PRELID3B: variants seen among roughly 807,000 people sequenced by gnomAD.
The protein encoded by PRELID3B is PRELI domain containing protein 3B.
A neutral mutation model predicts 24.0 loss-of-function variants in PRELID3B; 15 were observed. The ratio of observed to expected loss-of-function variants is 0.63; its 90% CI spans 0.42 to 0.96. The LOEUF (loss-of-function observed/expected upper bound fraction) is 0.96. Ranked by LOEUF, PRELID3B falls within the 40% of genes least tolerant of loss-of-function variation. The pLI is 0.00. For synonymous variants in PRELID3B, 62 were observed against 76.0 expected (o/e 0.82, Z 0.96); for missense variants, 189 against 236.0 (o/e 0.80, Z 1.30).
intron 1 of PRELID3B, among the ~76,000 whole-genome samples, chr20:59,039,848 A>T (rs2092098903): frequency 6.6e-6 from 1 of 152,202 alleles, no homozygotes; most frequent in Admixed American, 6.5e-5. Flanking sequence ...TCTATACAAT[A>T]TTGTACCAAT....
Position 59,034,991 on chromosome 20 carries a change from C to T in PRELID3B, c.*16G>A, listed in dbSNP as rs774073686. Reference sequence around the variant, plus strand: ...AGAGACCTGGAGTACCCGATGTTGTCTACCAACTGTCACGATCACTTCTCT... The same window carrying T: ...AGAGACCTGGAGTACCCGATGTTGTTTACCAACTGTCACGATCACTTCTCT... On this transcript the variant is annotated 3_prime_UTR_variant, in exon 6 of 6. Coordinates refer to ENST00000355937, the MANE Select transcript of PRELID3B (RefSeq NM_016045.3). 1.9e-6 allele frequency: 3 copies of T among 1,606,286 alleles called. No individual in the cohort carries two copies. Among genetic ancestry groups the T allele is most frequent in the Non-Finnish European group, 2.6e-6 (3 of 1,176,300 alleles).
chr20:59,035,249 C>T (rs144353947), intron 5 of PRELID3B, 123 bp from the exon 6 acceptor site: 9 of 839,608 alleles, frequency 1.1e-5, no homozygotes, highest in Admixed American at 8.9e-5. Flanking sequence ...GATGACAGAT[C>T]GTTTTTGTCC....
rs2092056278 is a variant in PRELID3B at position 59,034,542 on chromosome 20, A to C, written c.*465T>G. 6.5e-6 allele frequency: 1 copy of C among 152,956 alleles called. No individual in the cohort carries two copies. The highest frequency in any genetic ancestry group is 1.5e-5 in the Non-Finnish European group (1 of 68,336). 9.5% of individuals were successfully genotyped at this position (152,956 alleles called of 1,614,324 possible). On this transcript the variant is annotated 3_prime_UTR_variant, in exon 6 of 6. Coordinates refer to ENST00000355937, the MANE Select transcript of PRELID3B (RefSeq NM_016045.3). ...AGCATAGTAAGGTATTTTACACAAA[A>C]TATATTTTAAAACTACACAATTTCT... is the stretch of plus-strand genomic sequence containing the variant.
At position 59,040,247 on chromosome 20, in the gene PRELID3B, CAA is replaced by C. The variant is rs1450934113; in HGVS notation, c.33-1615_33-1614del. ...CCATAACCAGCTCAAACATTACAAA[CAA>C]TACTTATTATGATTAATCTTCCAGC... On this transcript the variant is annotated intron_variant, in intron 1 of 5. Coordinates refer to ENST00000355937, the MANE Select transcript of PRELID3B (RefSeq NM_016045.3). This position sits in a 1 kb window ranked among gnomAD's most constrained non-coding sequence, Gnocchi z 4.1. Among the ~76,000 whole-genome samples the C allele has an allele frequency of 6.6e-6, 1 of 152,212 alleles. No individual in the cohort carries two copies. The highest frequency in any genetic ancestry group is 1.5e-5 in the Non-Finnish European group (1 of 68,038).
intron 5 of PRELID3B, 93 bp from the exon 6 acceptor site, chr20:59,035,219 C>G: frequency 2.5e-6 from 3 of 1,197,016 alleles, no homozygotes; most frequent in Non-Finnish European, 3.5e-6. Flanking sequence ...AGGGGCGTGA[C>G]AAGTTTAACT....
In PRELID3B at chr20:59,038,449, A is replaced by C; in HGVS notation, c.201+17T>G. 1 of 1,605,440 alleles carries C rather than the reference A, an allele frequency of 6.2e-7. No homozygotes were observed. The highest frequency in any genetic ancestry group is 2.2e-5 in the East Asian group (1 of 44,740). On this transcript the variant is annotated intron_variant, in intron 2 of 5. Coordinates refer to ENST00000355937, the MANE Select transcript of PRELID3B (RefSeq NM_016045.3). ...TCTACAGCAGTCACATTTCTCCGGG[A>C]ATAAAGACACACTTACAGACTTCAC...
intron 5 of PRELID3B, 46 bp downstream of exon 5, chr20:59,036,425 C>G: frequency 6.9e-7 from 1 of 1,448,564 alleles, no homozygotes; most frequent in South Asian, 1.1e-5. Flanking sequence ...ATTCCATTCC[C>G]AGGAAATGAA....
chr20:59,040,925 G>A lies in PRELID3B; in HGVS notation c.32+1774C>T, dbSNP rs569932568. ...CCAGGACAAAAAAAAAGTCTGTGAC[G>A]AAAAGAGAAACAAAAAAGAAATTAA... On this transcript the variant is annotated intron_variant, in intron 1 of 5. Transcript: ENST00000355937. This position sits in a 1 kb window ranked among gnomAD's most constrained non-coding sequence, Gnocchi z 4.1. 9.9e-5 allele frequency among the ~76,000 whole-genome samples: 15 copies of A among 152,240 alleles called. No homozygotes were observed. The highest frequency in any genetic ancestry group is 6.2e-4 in the South Asian group (3 of 4,824).
chr20:59,036,189 A>T (rs534884956), intron 5 of PRELID3B, among the ~76,000 whole-genome samples: 1 of 152,200 alleles, frequency 6.6e-6, no homozygotes, highest in Non-Finnish European at 1.5e-5. Context: ...TCCATATGTT[A>T]TCTCATTCAC....
chr20:59,036,772 A>AC lies in PRELID3B; in HGVS notation c.292-13_292-12insG. 1 of 1,492,526 alleles carries AC rather than the reference A, an allele frequency of 6.7e-7. No homozygotes were observed. The highest frequency in any genetic ancestry group is 1.2e-5 in the South Asian group (1 of 80,714). The allele number at this position is 1,492,526 out of a possible 1,614,324, so 92.5% of individuals were successfully genotyped here. Reference sequence around the variant, plus strand: ...TTTGTAAATGAAATCTACAGAATGAAGAAAAAAAAAAAAGATCAAATCATT... The same window carrying AC: ...TTTGTAAATGAAATCTACAGAATGAACGAAAAAAAAAAAAGATCAAATCATT... On this transcript the variant is annotated splice_polypyrimidine_tract_variant and intron_variant, in intron 3 of 5. Transcript: ENST00000355937.
intron 1 of PRELID3B, among the ~76,000 whole-genome samples, chr20:59,039,327 G>A (rs1049846803): frequency 6.6e-6 from 1 of 152,142 alleles, no homozygotes; most frequent in Non-Finnish European, 1.5e-5. Flanking sequence ...ATAAGCACTT[G>A]CTTATCACCT....
In PRELID3B at chr20:59,033,674, T is replaced by C. The variant is rs2092050107; in HGVS notation, c.*1333A>G. Reference sequence around the variant, plus strand: ...TACATATATTAACTGGTCTCTTGGATAGGAAACATGACTAGAAGTTTATCA... The same window carrying C: ...TACATATATTAACTGGTCTCTTGGACAGGAAACATGACTAGAAGTTTATCA... On this transcript the variant is annotated 3_prime_UTR_variant, in exon 6 of 6. Coordinates refer to ENST00000355937, the MANE Select transcript of PRELID3B (RefSeq NM_016045.3). The C allele has an allele frequency of 6.6e-6, 1 of 152,218 alleles. No individual in the cohort carries two copies. The highest frequency in any genetic ancestry group is 1.5e-5 in the Non-Finnish European group (1 of 68,034). The allele number at this position is 152,218 out of a possible 1,614,324, so 9.4% of individuals were successfully genotyped here.
chr20:59,041,817 T>A (rs187294098), intron 1 of PRELID3B, among the ~76,000 whole-genome samples: 1,648 of 152,260 alleles, frequency 0.011, 21 homozygotes, highest in Middle Eastern at 0.037. Flanking sequence ...TTTACAAGGC[T>A]ATACTAATTA....
At chr20:59,038,196 CA>C in intron 2 of PRELID3B, 1 of 324,460 alleles carries the variant, frequency 3.1e-6, no homozygotes. Context: ...AAGTTGCTGG[CA>C]AAAGCAGAAA....
At chr20:59,042,455 C>T (rs2092117201) in intron 1 of PRELID3B, among the ~76,000 whole-genome samples, 1 of 152,226 alleles carries the variant, frequency 6.6e-6, no homozygotes, top group South Asian at 2.1e-4. Context: ...CCGGAAGTGA[C>T]CCCGTAGCCC....
At position 59,040,343 on chromosome 20, in the gene PRELID3B, C is replaced by T. The variant is rs544927938; in HGVS notation, c.33-1709G>A. ...CACAATGGAAGACATTCAAAGACCA[C>T]GCCAAAGTAGAATCAGGAGGACCTG... is the stretch of plus-strand genomic sequence containing the variant. On this transcript the variant is annotated intron_variant, in intron 1 of 5. Coordinates refer to ENST00000355937, the MANE Select transcript of PRELID3B (RefSeq NM_016045.3). This position sits in a 1 kb window ranked among gnomAD's most constrained non-coding sequence, Gnocchi z 4.1. Among the ~76,000 whole-genome samples, 2 of 152,336 alleles carry T rather than the reference C, an allele frequency of 1.3e-5. No individual in the cohort carries two copies. The highest frequency in any genetic ancestry group is 2.4e-5 in the African/African-American group (1 of 41,574).
chr20:59,036,418 C>G (rs1480608846), intron 5 of PRELID3B, 53 bp downstream of exon 5: 2 of 1,366,714 alleles, frequency 1.5e-6, no homozygotes, highest in African/African-American at 2.9e-5. Flanking sequence ...GCACCCCATT[C>G]CATTCCCAGG....
At position 59,040,228 on chromosome 20, in the gene PRELID3B, C is replaced by G. The variant is rs1314907695; in HGVS notation, c.33-1594G>C. Among the ~76,000 whole-genome samples, 1 of 152,226 alleles carries G rather than the reference C, an allele frequency of 6.6e-6. No homozygotes were observed. The highest frequency in any genetic ancestry group is 6.5e-5 in the Admixed American group (1 of 15,280). ...CTCAAGATTGCTTTATGAACCATAA[C>G]CAGCTCAAACATTACAAACAATACT... On this transcript the variant is annotated intron_variant, in intron 1 of 5. Transcript: ENST00000355937. This position sits in a 1 kb window ranked among gnomAD's most constrained non-coding sequence, Gnocchi z 4.1.
chr20:59,040,100 A>C lies in PRELID3B; in HGVS notation c.33-1466T>G, dbSNP rs1262402344. Among the ~76,000 whole-genome samples the C allele has an allele frequency of 2.6e-5, 4 of 152,174 alleles. No homozygotes were observed. On this transcript the variant is annotated intron_variant, in intron 1 of 5. Transcript: ENST00000355937. This position sits in a 1 kb window ranked among gnomAD's most constrained non-coding sequence, Gnocchi z 4.1. ...CCTCTTCCCCCAACCCTCTCTAAAA[A>C]ATTAATAATCGCATGACTTCAGGGT...
Sources: gnomAD v4.1 joint callset for allele counts (sites outside exome capture counted in the v4.1 genomes callset) on GRCh38, gnomAD v4.1.1 for gene constraint, Gnocchi (gnomAD v3.1) non-coding constraint, MANE v1.5 for transcripts, NCBI Gene and HGNC (gene_info 2026-07-23, HGNC 2026-07-21) for gene names.